PCDHA11: variants seen among roughly 807,000 people sequenced by gnomAD.
PCDHA11 encodes the protein protocadherin alpha-11.
Under a neutral mutation model 70.3 loss-of-function variants are expected in PCDHA11, and 61 were observed. The ratio of observed to expected loss-of-function variants is 0.87; its 90% CI spans 0.71 to 1.07. The LOEUF (loss-of-function observed/expected upper bound fraction) is 1.07. PCDHA11 is among the 50% of genes least tolerant of loss of function. The pLI, the probability that PCDHA11 is intolerant of heterozygous loss-of-function variation, is 0.00. For missense variants in PCDHA11, 1,324 were observed against 1,237.5 expected, an observed-to-expected ratio of 1.07 and a Z score of -1.05; for synonymous variants, 633 against 555.1, an observed-to-expected ratio of 1.14 and a Z score of -1.97.
chr5:140,905,086 G>A (rs1454643340), intron 1 of PCDHA11, among the ~76,000 whole-genome samples: 1 of 152,056 alleles, frequency 6.6e-6, no homozygotes, highest in Non-Finnish European at 1.5e-5. Flanking sequence ...CTTTCTTTTG[G>A]GTTCTCAGTC....
intron 3 of PCDHA11, chr5:140,988,926 A>C (rs562175503): frequency 6.6e-6 from 1 of 152,238 alleles, no homozygotes; most frequent in Non-Finnish European, 1.5e-5. Flanking sequence ...ATAGAACAAC[A>C]CTGTTCTCTT....
intron 1 of PCDHA11, among the ~76,000 whole-genome samples, chr5:140,885,242 A>G (rs1481024816): frequency 6.6e-6 from 1 of 152,038 alleles, no homozygotes; most frequent in Non-Finnish European, 1.5e-5. Context: ...TCAATTTTTT[A>G]TTTGCATTCA....
intron 1 of PCDHA11, among the ~76,000 whole-genome samples, chr5:140,921,583 TA>T (rs2080282425): frequency 6.6e-6 from 1 of 152,200 alleles, no homozygotes; most frequent in South Asian, 2.1e-4. Flanking sequence ...GCTCATACTA[TA>T]TTATGGTTTC....
At chr5:140,974,009 A>C (rs1554235749) in intron 1 of PCDHA11, among the ~76,000 whole-genome samples, 2 of 152,236 alleles carry the variant, frequency 1.3e-5, no homozygotes, top group African/African-American at 4.8e-5. Flanking sequence ...TGTTTTGTGC[A>C]TGTGATAATA....
chr5:140,907,412 A>G (rs889699438), intron 1 of PCDHA11, among the ~76,000 whole-genome samples: 5 of 152,232 alleles, frequency 3.3e-5, no homozygotes, highest in Non-Finnish European at 7.3e-5. Flanking sequence ...GAATACCACG[A>G]TGGTGGATAA....
chr5:140,869,099 A>G lies in PCDHA11; in HGVS notation c.-5A>G. ...AGCTTATTTTGGAAGCCAATTTCGT[A>G]TGCGATGTTTGGTTTTCAGAGAAGG... On this transcript the variant is annotated 5_prime_UTR_variant, in exon 1 of 4. An upstream start codon of the reference 5' UTR is lost. Transcript: ENST00000398640. 6.3e-7 allele frequency: 1 copy of G among 1,596,446 alleles called. No homozygotes were observed. Among genetic ancestry groups the G allele is most frequent in the African/African-American group, 1.3e-5 (1 of 74,264 alleles).
chr5:140,997,071 A>G lies in PCDHA11; in HGVS notation c.2540-12556A>G, dbSNP rs554920320. Among the ~76,000 whole-genome samples, 444 of 152,266 alleles carry G rather than the reference A, an allele frequency of 2.9e-3. 5 individuals carry two copies. Among genetic ancestry groups the G allele is most frequent in the Non-Finnish European group, 4.4e-3 (297 of 68,014 alleles). Reference sequence around the variant, plus strand: ...TTTAGAGCAGTTTTAGGTTCACAGGAAAGTTGAGTAGAAAGTGCAGAGTTC... The same window carrying G: ...TTTAGAGCAGTTTTAGGTTCACAGGGAAGTTGAGTAGAAAGTGCAGAGTTC... On this transcript the variant is annotated intron_variant, in intron 3 of 3. Coordinates refer to ENST00000398640, the MANE Select transcript of PCDHA11 (RefSeq NM_018902.5).
At chr5:140,927,457 A>G in intron 1 of PCDHA11, 1 of 1,614,098 alleles carries the variant, frequency 6.2e-7, no homozygotes, top group Non-Finnish European at 8.5e-7. Flanking sequence ...GGTGTTGGAG[A>G]AAGCACTGGA....
chr5:141,010,374 C>A lies in PCDHA11; in HGVS notation c.*437C>A. 2 of 1,459,768 alleles carry A rather than the reference C, an allele frequency of 1.4e-6. No homozygotes were observed. Among genetic ancestry groups the A allele is most frequent in the South Asian group, 1.4e-5 (1 of 73,044 alleles). 90.4% of individuals were successfully genotyped at this position (1,459,768 alleles called of 1,614,324 possible). On this transcript the variant is annotated 3_prime_UTR_variant, in exon 4 of 4. Coordinates refer to ENST00000398640, the MANE Select transcript of PCDHA11 (RefSeq NM_018902.5). ...TGTGGCTACCGCGGGTATGCGAGTG[C>A]CAGATATTGGCTGAGACGAGCCAGC...
At chr5:140,984,634 C>G (rs540344154) in intron 3 of PCDHA11, among the ~76,000 whole-genome samples, 4 of 152,298 alleles carry the variant, frequency 2.6e-5, no homozygotes, top group African/African-American at 9.6e-5. Context: ...AAGGGATTCT[C>G]TGCCTTCTCC....
intron 1 of PCDHA11, among the ~76,000 whole-genome samples, chr5:140,950,973 T>C (rs1381300164): frequency 3.3e-5 from 5 of 152,244 alleles, no homozygotes; most frequent in Middle Eastern, 3.4e-3. Flanking sequence ...TTCAGATTCA[T>C]TGACTTTTGC....
chr5:140,919,120 C>G (rs1554198933), intron 1 of PCDHA11, among the ~76,000 whole-genome samples: 2 of 152,008 alleles, frequency 1.3e-5, no homozygotes, highest in African/African-American at 4.8e-5. Context: ...CCAGTTTTTG[C>G]TTCATGTGTT....
intron 1 of PCDHA11, among the ~76,000 whole-genome samples, chr5:140,959,018 A>T (rs1374346226): frequency 6.6e-6 from 1 of 152,078 alleles, no homozygotes; most frequent in Non-Finnish European, 1.5e-5. Flanking sequence ...TTTATACATT[A>T]AGCTTTATCA....
chr5:141,003,740 C>T (rs1490080996), intron 3 of PCDHA11, among the ~76,000 whole-genome samples: 1 of 152,146 alleles, frequency 6.6e-6, no homozygotes, highest in African/African-American at 2.4e-5. Flanking sequence ...AAAGCAAAAC[C>T]ATATTTTGTA....
At chr5:140,904,859 T>C (rs1294164011) in intron 1 of PCDHA11, among the ~76,000 whole-genome samples, 8 of 152,242 alleles carry the variant, frequency 5.3e-5, no homozygotes, top group Non-Finnish European at 1.2e-4. Flanking sequence ...GAGAATTGTC[T>C]GTTTATGTCC....
chr5:140,981,042 C>A (rs782145088), intron 2 of PCDHA11, among the ~76,000 whole-genome samples: 22 of 151,970 alleles, frequency 1.4e-4, no homozygotes, highest in Non-Finnish European at 2.9e-4. Flanking sequence ...GGAAAAAAAA[C>A]AGATAATTCT....
At chr5:140,982,414 G>A in intron 2 of PCDHA11, 61 bp from the exon 3 acceptor site, 1 of 1,609,882 alleles carries the variant, frequency 6.2e-7, no homozygotes, top group Non-Finnish European at 8.5e-7. Flanking sequence ...TCTGAGGGTG[G>A]AAGAAGAGAT....
chr5:141,008,540 T>C (rs1435875214), intron 3 of PCDHA11, among the ~76,000 whole-genome samples: 2 of 152,190 alleles, frequency 1.3e-5, no homozygotes, highest in African/African-American at 4.8e-5. Context: ...ATGTCTTTTA[T>C]TGAAAACTCC....
In PCDHA11 at chr5:140,869,811, C is replaced by T. The variant is rs1554163508; in HGVS notation, c.708C>T (p.Asn236=). ...TGTTAGTCCAAGTCTTGGATGTCAA[C>T]GACAATGATCCAGAGTTTGATAAAT... ...VRLLVQVLDV[N]DNDPEFDKSE... The change falls in exon 1 of 4, where the codon AAC becomes AAT. Residue 236 remains asparagine (N), a synonymous_variant. Transcript: ENST00000398640. The T allele has an allele frequency of 6.2e-6, 10 of 1,612,246 alleles. No homozygotes were observed. The highest frequency in any genetic ancestry group is 2.7e-5 in the African/African-American group (2 of 74,996).
Sources: allele counts gnomAD v4.1 joint callset (sites outside exome capture counted in the v4.1 genomes callset), GRCh38; gene constraint gnomAD v4.1.1; transcripts MANE v1.5; gene names NCBI Gene and HGNC (gene_info 2026-07-23, HGNC 2026-07-21).